Variants in ANKS1B observed in about 807,000 individuals in gnomAD.
ANKS1B encodes the protein ankyrin repeat and sterile alpha motif domain containing 1B.
In ANKS1B, 36 loss-of-function variants were observed where a neutral mutation model predicts 148.3. That is an observed-to-expected ratio of 0.24 (90% CI 0.19 to 0.32). The LOEUF (loss-of-function observed/expected upper bound fraction) is 0.32. Among genes scored for constraint, ANKS1B ranks in the 10% least tolerant of loss-of-function variants. The pLI is 1.00. For missense variants in ANKS1B, 1,157 were observed against 1,542.6 expected (o/e 0.75, Z 4.19); for synonymous variants, 542 against 560.8 (o/e 0.97, Z 0.47).
At chr12:98,932,990 A>G (rs2099815054) in intron 17 of ANKS1B, among the ~76,000 whole-genome samples, 1 of 152,218 alleles carries the variant, frequency 6.6e-6, no homozygotes. Context: ...AATAGCACTT[A>G]ACATGCGATC....
At chr12:99,562,794 T>G (rs1005900348) in intron 9 of ANKS1B, among the ~76,000 whole-genome samples, 1 of 152,204 alleles carries the variant, frequency 6.6e-6, no homozygotes, top group Non-Finnish European at 1.5e-5. Flanking sequence ...GGTCCCTCCC[T>G]CAATACGTGG....
At chr12:98,879,219 A>G (rs1353811156) in intron 17 of ANKS1B, among the ~76,000 whole-genome samples, 1 of 152,224 alleles carries the variant, frequency 6.6e-6, no homozygotes, top group Non-Finnish European at 1.5e-5. Context: ...ACTTCATAAA[A>G]TAACAGCCAG....
At chr12:99,616,612 C>G (rs550142355) in intron 9 of ANKS1B, among the ~76,000 whole-genome samples, 1 of 152,110 alleles carries the variant, frequency 6.6e-6, no homozygotes, top group Non-Finnish European at 1.5e-5. Context: ...AACTGAACCC[C>G]TTTCTTACAT....
chr12:99,702,669 A>G (rs1300570063), intron 8 of ANKS1B, among the ~76,000 whole-genome samples: 1 of 151,368 alleles, frequency 6.6e-6, no homozygotes, highest in Non-Finnish European at 1.5e-5. Flanking sequence ...CAGCCTCCCA[A>G]GTAGCTGGGA....
intron 14 of ANKS1B, among the ~76,000 whole-genome samples, chr12:99,227,511 C>A (rs1351361595): frequency 6.6e-6 from 1 of 152,130 alleles, no homozygotes; most frequent in Admixed American, 6.6e-5. Flanking sequence ...AGATTTGGGG[C>A]AAGCCAAAAG....
At chr12:99,762,827 C>A (rs2062268173) in intron 8 of ANKS1B, among the ~76,000 whole-genome samples, 2 of 151,578 alleles carry the variant, frequency 1.3e-5, no homozygotes, top group African/African-American at 2.4e-5. Flanking sequence ...AAAAAACAAC[C>A]CCATTAAAAA....
intron 7 of ANKS1B, 142 bp downstream of exon 7, chr12:99,775,406 C>A (rs759292484): frequency 1.9e-5 from 9 of 473,892 alleles, no homozygotes; most frequent in Non-Finnish European, 3.4e-5. Context: ...TATCTCAGGG[C>A]TGAGAAGCCC....
chr12:99,794,719 T>C (rs2066040682), intron 4 of ANKS1B, among the ~76,000 whole-genome samples: 1 of 151,556 alleles, frequency 6.6e-6, no homozygotes, highest in Non-Finnish European at 1.5e-5. Flanking sequence ...GCACAGGGGT[T>C]AGAGGGAGGT....
chr12:99,083,447 T>C (rs1277243620), intron 16 of ANKS1B, among the ~76,000 whole-genome samples: 1 of 152,118 alleles, frequency 6.6e-6, no homozygotes, highest in African/African-American at 2.4e-5. Flanking sequence ...CCTAAAGTAG[T>C]CCAGTCATGT....
At chr12:98,954,388 T>A (rs1319740742) in intron 17 of ANKS1B, 1 of 152,248 alleles carries the variant, frequency 6.6e-6, no homozygotes, top group South Asian at 2.1e-4. Flanking sequence ...CATGAGCTGC[T>A]ATAGTTTGAA....
intron 10 of ANKS1B, among the ~76,000 whole-genome samples, chr12:99,469,872 C>A (rs531388286): frequency 1.3e-5 from 2 of 151,994 alleles, no homozygotes; most frequent in African/African-American, 4.8e-5. Context: ...AAAATCAAAG[C>A]ATTTTGGGAG....
intron 16 of ANKS1B, among the ~76,000 whole-genome samples, chr12:99,077,321 G>A (rs548280738): frequency 2.0e-5 from 3 of 152,270 alleles, no homozygotes; most frequent in African/African-American, 7.2e-5. Context: ...AACACTGAGT[G>A]GCAGTGAGTT....
chr12:99,922,634 C>A (rs2094386543), intron 1 of ANKS1B, among the ~76,000 whole-genome samples: 1 of 152,026 alleles, frequency 6.6e-6, no homozygotes, highest in East Asian at 1.9e-4. Flanking sequence ...GGTGAGTATA[C>A]AGGCAATACA....
intron 10 of ANKS1B, among the ~76,000 whole-genome samples, chr12:99,503,152 G>C (rs2096672143): frequency 6.6e-6 from 1 of 152,178 alleles, no homozygotes; most frequent in South Asian, 2.1e-4. Context: ...GCCCAGGCTA[G>C]TTTTGAACTC....
intron 11 of ANKS1B, among the ~76,000 whole-genome samples, chr12:99,443,292 A>G (rs7958517): frequency 0.42 from 63,654 of 151,732 alleles, 15,252 homozygotes; most frequent in African/African-American, 0.65. Flanking sequence ...AGACAGAGAA[A>G]TAATCACAAA....
chr12:99,050,175 T>C (rs1327840649), intron 17 of ANKS1B, among the ~76,000 whole-genome samples: 1 of 152,190 alleles, frequency 6.6e-6, no homozygotes, highest in Non-Finnish European at 1.5e-5. Context: ...TGGGTACCTC[T>C]CTCATTAGTT....
At position 99,139,440 on chromosome 12, in the gene ANKS1B, T is replaced by TC. The variant is rs2069664086; in HGVS notation, c.2526+14848_2526+14849insG. 1.5e-3 allele frequency among the ~76,000 whole-genome samples: 7 copies of TC among 4,732 alleles called. 2 individuals carry two copies. The highest frequency in any genetic ancestry group is 3.4e-3 in the African/African-American group (2 of 592). 3.1% of individuals were successfully genotyped at this position (4,732 alleles called of 152,430 possible). A position where few individuals can be genotyped will look rare whatever the true frequency, so the allele number is the denominator to read the frequency against. ...TTTCTTTCTTTCTTTCTTTCTTTCT[T>TC]TTTCTTTCTTTCTTTCTTTCAAGAT... On this transcript the variant is annotated intron_variant, in intron 15 of 26. Coordinates refer to ENST00000683438, the MANE Select transcript of ANKS1B (RefSeq NM_001352186.2).
At chr12:99,500,513 A>C (rs2096645067) in intron 10 of ANKS1B, among the ~76,000 whole-genome samples, 1 of 152,216 alleles carries the variant, frequency 6.6e-6, no homozygotes, top group Non-Finnish European at 1.5e-5. Flanking sequence ...GATGTGACAC[A>C]GATAATCAGT....
At chr12:99,591,088 G>A (rs1376657860) in intron 9 of ANKS1B, among the ~76,000 whole-genome samples, 1 of 151,356 alleles carries the variant, frequency 6.6e-6, no homozygotes, top group Non-Finnish European at 1.5e-5. Flanking sequence ...GTATTGTGCT[G>A]TGTACCCAGT....
Sources: allele counts gnomAD v4.1 joint callset (sites outside exome capture counted in the v4.1 genomes callset), GRCh38; gene constraint gnomAD v4.1.1; transcripts MANE v1.5; gene names NCBI Gene and HGNC (gene_info 2026-07-23, HGNC 2026-07-21).